The following FAAH2 variants were observed in gnomAD, a reference collection of about 807,000 sequenced individuals.
FAAH2 encodes the protein fatty acid amide hydrolase 2.
FAAH2 carries 60 observed loss-of-function variants against 36.9 expected under a neutral mutation model. That is an observed-to-expected ratio of 1.63 (90% CI 1.32 to 2.02). FAAH2 has a LOEUF of 2.02. FAAH2 is among the 30% of genes most tolerant of loss of function. The pLI, the probability that FAAH2 is intolerant of heterozygous loss-of-function variation, is 0.00. For synonymous variants in FAAH2, 214 were observed against 143.8 expected (o/e 1.49, Z -3.49); for missense variants, 689 against 397.5 (o/e 1.73, Z -6.23).
At chrX:57,310,444 C>T (rs1359199647) in intron 2 of FAAH2, 149 bp from the exon 3 acceptor site, 2 of 557,453 alleles carry the variant, frequency 3.6e-6, no homozygotes, top group African/African-American at 4.8e-5. Context: ...GAATCACTGG[C>T]TCAAATGGTC....
chrX:57,345,029 A>C (rs1329483184), intron 5 of FAAH2, among the ~76,000 whole-genome samples: 1 of 110,249 alleles, frequency 9.1e-6, no homozygotes, highest in Non-Finnish European at 1.9e-5. Flanking sequence ...TTCATCAGGG[A>C]TATAGTCATG....
chrX:57,382,950 A>C (rs2054896963), intron 7 of FAAH2, among the ~76,000 whole-genome samples: 2 of 111,544 alleles, frequency 1.8e-5, no homozygotes, highest in East Asian at 5.7e-4. Flanking sequence ...AAACCGAATC[A>C]AGCAACACAT....
chrX:57,253,633 G>A, the FAAH2 span, among the ~76,000 whole-genome samples: 2 of 111,691 alleles, frequency 1.8e-5, no homozygotes, highest in Non-Finnish European at 1.9e-5. Flanking sequence ...TTAAAGAAAA[G>A]AATTTTCAAT....
At chrX:57,132,881 T>A in the FAAH2 span, among the ~76,000 whole-genome samples, 1 of 112,238 alleles carries the variant, frequency 8.9e-6, no homozygotes, top group Non-Finnish European at 1.9e-5. Flanking sequence ...AAACCACCTT[T>A]TGCTTTTCTC....
chrX:57,474,622 G>T (rs1298492582), intron 10 of FAAH2, among the ~76,000 whole-genome samples: 1 of 111,545 alleles, frequency 9.0e-6, no homozygotes, highest in East Asian at 2.8e-4. Context: ...TTGACATTTG[G>T]GTTAGTTCCA....
Position 57,350,712 on chromosome X carries a change from T to C in FAAH2, c.742+9322T>C, listed in dbSNP as rs149782347. 1.8e-4 allele frequency among the ~76,000 whole-genome samples: 20 copies of C among 111,056 alleles called. No homozygotes were observed. In the East Asian group the frequency reaches 5.6e-3, roughly 31 times the overall value. On this transcript the variant is annotated intron_variant, in intron 5 of 10. Transcript: ENST00000374900. ...AATTGGGCAGGAGTAGCTACATTTTTATAAGATCAAACAGACATTAAGTCA... is the reference window on the plus strand; with the variant it reads ...AATTGGGCAGGAGTAGCTACATTTTCATAAGATCAAACAGACATTAAGTCA...
intron 7 of FAAH2, among the ~76,000 whole-genome samples, chrX:57,406,255 C>T (rs2055565092): frequency 8.9e-6 from 1 of 112,017 alleles, no homozygotes; most frequent in African/African-American, 3.3e-5. Context: ...TGCTGCTTAT[C>T]GTAATGATGC....
chrX:57,216,528 ATATATATATATATACGTATATG>A, the FAAH2 span, among the ~76,000 whole-genome samples: 6 of 37,906 alleles, frequency 1.6e-4, no homozygotes, highest in Admixed American at 7.1e-4. Flanking sequence ...ACGTATATGT[ATATATATATATATACGTATATG>A]TATATATATA....
chrX:57,243,495 G>A, the FAAH2 span, among the ~76,000 whole-genome samples: 14 of 111,913 alleles, frequency 1.3e-4, no homozygotes, highest in Non-Finnish European at 3.8e-5. Context: ...TCATATAGGA[G>A]AGCTCTGGCT....
At chrX:57,381,352 T>A (rs961519399) in intron 7 of FAAH2, among the ~76,000 whole-genome samples, 13 of 110,854 alleles carry the variant, frequency 1.2e-4, no homozygotes, top group Non-Finnish European at 3.8e-5. Context: ...TTTTAGGTAA[T>A]AGAGACAACA....
At chrX:57,236,186 A>G in the FAAH2 span, among the ~76,000 whole-genome samples, 2 of 112,042 alleles carry the variant, frequency 1.8e-5, no homozygotes, top group African/African-American at 6.5e-5. Flanking sequence ...TTCCATTTTT[A>G]TAGCAGAATA....
intron 8 of FAAH2, among the ~76,000 whole-genome samples, chrX:57,445,165 G>A (rs1003745232): frequency 2.5e-4 from 28 of 111,760 alleles, no homozygotes; most frequent in African/African-American, 8.1e-4. Flanking sequence ...ATTGAGTGTT[G>A]TCCTGTAAGT....
rs762178011 is a variant in FAAH2, at chrX:57,327,755, GT to G, written c.413-3836del. On this transcript the variant is annotated intron_variant, in intron 3 of 10. Transcript: ENST00000374900. ...AGCCATTCATCTAATCCTTTTTCAA[GT>G]TTTTTTAACTTCTTTGCCATGGGTT... is the stretch of plus-strand genomic sequence containing the variant. Among the ~76,000 whole-genome samples, 17 of 111,255 alleles carry G rather than the reference GT, an allele frequency of 1.5e-4. No homozygotes were observed. In the South Asian group the frequency reaches 6.1e-3, roughly 40 times the overall value.
At chrX:57,243,150 G>T in the FAAH2 span, among the ~76,000 whole-genome samples, 1 of 111,712 alleles carries the variant, frequency 9.0e-6, no homozygotes. Context: ...GTTCAAACTG[G>T]GTGAAGCCCA....
the FAAH2 span, among the ~76,000 whole-genome samples, chrX:57,123,366 T>C: frequency 6.2e-5 from 7 of 112,179 alleles, no homozygotes; most frequent in African/African-American, 1.9e-4. Flanking sequence ...TATTCCATGG[T>C]GTATATGTGC....
chrX:57,332,259 A>T (rs2053429246), intron 4 of FAAH2, among the ~76,000 whole-genome samples: 1 of 112,265 alleles, frequency 8.9e-6, no homozygotes, highest in Non-Finnish European at 1.9e-5. Flanking sequence ...GTGCTCATTA[A>T]GTCAGTTTTC....
chrX:57,322,608 CT>C (rs1372000973), intron 3 of FAAH2, among the ~76,000 whole-genome samples: 2 of 111,257 alleles, frequency 1.8e-5, no homozygotes, highest in Non-Finnish European at 3.8e-5. Flanking sequence ...AATTTGCCTT[CT>C]TTCTCTTTTT....
In FAAH2 at chrX:57,310,620, T is replaced by G; in HGVS notation, c.303T>G (p.His101Gln). 1 of 1,209,188 alleles carries G rather than the reference T, an allele frequency of 8.3e-7. No individual in the cohort carries two copies. Among genetic ancestry groups the G allele is most frequent in the Non-Finnish European group, 1.1e-6 (1 of 894,460 alleles). ...YRFEEAMKEA[H>Q]AVDQKLAEKQ... ...TTGAGGAAGCGATGAAGGAGGCTCA[T>G]GCTGTAGATCAAAAGCTTGCAGAGA... is the stretch of plus-strand genomic sequence containing the variant. Residue 101 changes from histidine to glutamine, a missense_variant, in exon 3 of 11, where the codon CAT becomes CAG. Transcript: ENST00000374900.
At chrX:57,181,542 C>T in the FAAH2 span, among the ~76,000 whole-genome samples, 2 of 111,057 alleles carry the variant, frequency 1.8e-5, no homozygotes, top group Admixed American at 1.9e-4. Flanking sequence ...AAGATCTCTA[C>T]AAGGATAACT....
Sources: gnomAD v4.1 joint callset for allele counts (sites outside exome capture counted in the v4.1 genomes callset) on GRCh38, gnomAD v4.1.1 for gene constraint, MANE v1.5 for transcripts, NCBI Gene and HGNC (gene_info 2026-07-23, HGNC 2026-07-21) for gene names.